GLRA3: variants seen among roughly 807,000 people sequenced by gnomAD.
GLRA3 encodes glycine receptor alpha 3.
Under a neutral mutation model 60.4 loss-of-function variants are expected in GLRA3, and 44 were observed. That is an observed-to-expected ratio of 0.73 (90% CI 0.57 to 0.94). The LOEUF (loss-of-function observed/expected upper bound fraction) is 0.94, where lower values mean the gene tolerates loss of function less well. GLRA3 is among the 40% of genes least tolerant of loss of function. GLRA3 has a pLI of 0.00. For synonymous variants in GLRA3, 223 were observed against 192.9 expected, an observed-to-expected ratio of 1.16 and a Z score of -1.29; for missense variants, 508 against 564.6, an observed-to-expected ratio of 0.90 and a Z score of 1.02.
At chr4:174,818,037 C>T (rs891672750) in intron 1 of GLRA3, among the ~76,000 whole-genome samples, 1 of 152,176 alleles carries the variant, frequency 6.6e-6, no homozygotes, top group African/African-American at 2.4e-5. Context: ...AACAGCTCTA[C>T]ACTTTACATT....
intron 3 of GLRA3, among the ~76,000 whole-genome samples, chr4:174,730,160 G>A (rs965248756): frequency 1.3e-5 from 2 of 152,058 alleles, no homozygotes; most frequent in African/African-American, 4.8e-5. Context: ...AATCTCACTC[G>A]CCACAAGGAT....
At chr4:174,771,614 A>G (rs1738389405) in intron 2 of GLRA3, among the ~76,000 whole-genome samples, 2 of 152,132 alleles carry the variant, frequency 1.3e-5, no homozygotes, top group South Asian at 4.1e-4. Flanking sequence ...GGGTACAGCC[A>G]TGTTGGGGGA....
chr4:174,698,973 T>C (rs969634585), intron 5 of GLRA3, among the ~76,000 whole-genome samples: 6 of 151,834 alleles, frequency 4.0e-5, no homozygotes, highest in African/African-American at 1.5e-4. Context: ...ACATTGTTCC[T>C]CTCAGGTCTC....
At chr4:174,696,478 T>A (rs1184742468) in intron 5 of GLRA3, among the ~76,000 whole-genome samples, 1 of 148,754 alleles carries the variant, frequency 6.7e-6, no homozygotes, top group African/African-American at 2.4e-5. Context: ...ACAATATAAT[T>A]TAATATAATA....
At chr4:174,712,317 A>AATT (rs549318943) in intron 5 of GLRA3, among the ~76,000 whole-genome samples, 282 of 152,322 alleles carry the variant, frequency 1.9e-3, no homozygotes, top group Non-Finnish European at 2.0e-3. Context: ...TCTTTAATTG[A>AATT]ATTATTATAT....
intron 2 of GLRA3, among the ~76,000 whole-genome samples, chr4:174,774,690 G>A (rs1489608442): frequency 6.6e-6 from 1 of 152,126 alleles, no homozygotes; most frequent in Non-Finnish European, 1.5e-5. Flanking sequence ...AAAGAATAAA[G>A]TGCTGGTTCA....
At chr4:174,812,046 T>C (rs972071886) in intron 1 of GLRA3, among the ~76,000 whole-genome samples, 3 of 152,226 alleles carry the variant, frequency 2.0e-5, no homozygotes, top group African/African-American at 7.2e-5. Context: ...TTTTAATCTA[T>C]GTGTATTATC....
chr4:174,672,821 T>C (rs1324277316), intron 7 of GLRA3, among the ~76,000 whole-genome samples: 4 of 152,162 alleles, frequency 2.6e-5, no homozygotes, highest in Admixed American at 1.3e-4. Flanking sequence ...ATAATATTAA[T>C]ATATTGTGTT....
intron 3 of GLRA3, among the ~76,000 whole-genome samples, chr4:174,748,953 T>A (rs1443593551): frequency 6.6e-6 from 1 of 152,176 alleles, no homozygotes; most frequent in Admixed American, 6.6e-5. Flanking sequence ...AAAGCCATGA[T>A]CTGCTCATTC....
chr4:174,774,759 C>A (rs1294608856), intron 2 of GLRA3, among the ~76,000 whole-genome samples: 1 of 152,096 alleles, frequency 6.6e-6, no homozygotes, highest in Non-Finnish European at 1.5e-5. Flanking sequence ...AAACTGAATA[C>A]TTTTATAATA....
chr4:174,731,925 A>G (rs10007631), intron 3 of GLRA3, among the ~76,000 whole-genome samples: 22,627 of 152,250 alleles, frequency 0.15, 1,912 homozygotes, highest in South Asian at 0.21. Context: ...TAAACAAAGA[A>G]GTGCAAATTA....
chr4:174,650,780 C>A (rs914532566), intron 9 of GLRA3, among the ~76,000 whole-genome samples: 9 of 152,174 alleles, frequency 5.9e-5, no homozygotes, highest in Admixed American at 5.9e-4. Context: ...GACCCTGCAG[C>A]TGAGTACCCA....
intron 3 of GLRA3, among the ~76,000 whole-genome samples, chr4:174,752,685 C>T (rs570228183): frequency 1.8e-4 from 28 of 152,268 alleles, no homozygotes; most frequent in East Asian, 1.2e-3. Flanking sequence ...GAAATTAATA[C>T]TTCATTAATA....
At chr4:174,656,507 T>C (rs1338923751) in intron 9 of GLRA3, among the ~76,000 whole-genome samples, 1 of 152,134 alleles carries the variant, frequency 6.6e-6, no homozygotes, top group Non-Finnish European at 1.5e-5. Context: ...AATAGCTCTG[T>C]TAATAAAATG....
At chr4:174,728,225 T>C (rs1736395393) in intron 4 of GLRA3, among the ~76,000 whole-genome samples, 1 of 152,220 alleles carries the variant, frequency 6.6e-6, no homozygotes, top group Non-Finnish European at 1.5e-5. Flanking sequence ...ACCTGGCTGA[T>C]ATTAAGAATC....
chr4:174,660,826 T>A (rs1733404606), intron 7 of GLRA3, among the ~76,000 whole-genome samples: 1 of 152,238 alleles, frequency 6.6e-6, no homozygotes, highest in African/African-American at 2.4e-5. Flanking sequence ...AACTTATGGA[T>A]AACTGTTTTC....
chr4:174,730,059 T>C (rs1736493780), intron 3 of GLRA3, among the ~76,000 whole-genome samples: 2 of 152,206 alleles, frequency 1.3e-5, no homozygotes, highest in African/African-American at 4.8e-5. Context: ...AAATATTTTT[T>C]CTGCTTGCTA....
At chr4:174,725,567 G>C (rs777011134) in intron 4 of GLRA3, among the ~76,000 whole-genome samples, 1 of 152,096 alleles carries the variant, frequency 6.6e-6, no homozygotes, top group Non-Finnish European at 1.5e-5. Flanking sequence ...TGCAACCGCT[G>C]CCTCTTAGGC....
chr4:174,816,904 G>C (rs998076715), intron 1 of GLRA3, among the ~76,000 whole-genome samples: 3 of 152,000 alleles, frequency 2.0e-5, no homozygotes, highest in African/African-American at 4.8e-5. Flanking sequence ...TTTGATACAG[G>C]CATGTGATAT....
Sources: allele counts gnomAD v4.1 joint callset (sites outside exome capture counted in the v4.1 genomes callset), GRCh38; gene constraint gnomAD v4.1.1; transcripts MANE v1.5; gene names NCBI Gene and HGNC (gene_info 2026-07-23, HGNC 2026-07-21).